The following DTD2 variants were observed in gnomAD, a reference collection of about 807,000 sequenced individuals.
DTD2 encodes the protein D-tyrosyl-tRNA deacylase 2 (putative).
DTD2 carries 12 observed loss-of-function variants against 15.5 expected under a neutral mutation model. The ratio of observed to expected loss-of-function variants is 0.77; its 90% confidence interval spans 0.50 to 1.25. The LOEUF is 1.25. Among genes scored for constraint, DTD2 ranks in the 50% most tolerant of loss-of-function variants. The probability of loss-of-function intolerance (pLI) is 0.00; values close to 1 mark genes in which losing one functional copy is unlikely to be tolerated. For synonymous variants in DTD2, 59 were observed against 77.3 expected (o/e 0.76, Z 1.24); for missense variants, 170 against 201.1 (o/e 0.85, Z 0.93).
In DTD2 at chr14:31,447,004, T is replaced by C. The variant is rs1322335916; in HGVS notation, c.*1125A>G. ...AAAATAGACCATTAACCCATTTATA[T>C]AGTATGTTTAATAAAAACAACTTTT... On this transcript the variant is annotated 3_prime_UTR_variant, in exon 3 of 3. Transcript: ENST00000310850. The C allele has an allele frequency of 6.6e-6, 1 of 152,226 alleles. No homozygotes were observed. The highest frequency in any genetic ancestry group is 1.5e-5 in the Non-Finnish European group (1 of 68,034). The allele number at this position is 152,226 out of a possible 1,614,324, so 9.4% of individuals were successfully genotyped here.
intron 2 of DTD2, among the ~76,000 whole-genome samples, chr14:31,451,115 C>A (rs2032026835): frequency 6.6e-6 from 1 of 150,692 alleles, no homozygotes; most frequent in South Asian, 2.1e-4. Context: ...GACAATTATT[C>A]TCTGTAATAG....
At chr14:31,456,117 G>A (rs1483525615) in intron 1 of DTD2, among the ~76,000 whole-genome samples, 3 of 152,094 alleles carry the variant, frequency 2.0e-5, no homozygotes, top group Non-Finnish European at 4.4e-5. Context: ...AGTAGGCGGG[G>A]TGCGGTGGCT....
At chr14:31,449,262 A>G (rs1006980574) in intron 2 of DTD2, among the ~76,000 whole-genome samples, 22 of 152,362 alleles carry the variant, frequency 1.4e-4, no homozygotes, top group Admixed American at 1.4e-3. Flanking sequence ...TTAGTTGCCA[A>G]GAGTTTTAAG....
chr14:31,456,613 A>G (rs2032097426), intron 1 of DTD2, among the ~76,000 whole-genome samples: 2 of 152,108 alleles, frequency 1.3e-5, no homozygotes, highest in Non-Finnish European at 2.9e-5. Context: ...CAGAGGCCTT[A>G]AAGAAAATTT....
chr14:31,457,037 C>T, intron 1 of DTD2: 1 of 542,662 alleles, frequency 1.8e-6, no homozygotes, highest in East Asian at 3.3e-5. Flanking sequence ...ACCTGTGGTC[C>T]CCCCAAGAAG....
chr14:31,454,779 A>G (rs1182907743), intron 1 of DTD2, among the ~76,000 whole-genome samples: 2 of 152,230 alleles, frequency 1.3e-5, no homozygotes, highest in Non-Finnish European at 2.9e-5. Flanking sequence ...GGTATAAAAC[A>G]TTTCAAATAT....
intron 2 of DTD2, among the ~76,000 whole-genome samples, chr14:31,451,216 C>T (rs541736541): frequency 1.8e-4 from 26 of 147,288 alleles, no homozygotes; most frequent in Non-Finnish European, 2.5e-4. Flanking sequence ...GGCGTGATCT[C>T]GGCTCACTGC....
intron 2 of DTD2, among the ~76,000 whole-genome samples, chr14:31,451,519 CTTA>C (rs1026727178): frequency 3.3e-5 from 5 of 152,064 alleles, no homozygotes; most frequent in Non-Finnish European, 7.4e-5. Context: ...TCAGAGGTTC[CTTA>C]TTATCTTCTG....
chr14:31,446,138 T>A lies in DTD2; in HGVS notation c.*1991A>T, dbSNP rs1178620117. On this transcript the variant is annotated 3_prime_UTR_variant, in exon 3 of 3. Coordinates refer to ENST00000310850, the MANE Select transcript of DTD2 (RefSeq NM_080664.3). ...GCTCATTACCAAGCCAGTTATTGAT[T>A]CTCTGGTTCCAAAATAGAACAGTAC... The A allele has an allele frequency of 2.6e-5, 4 of 152,176 alleles. No homozygotes were observed. Among genetic ancestry groups the A allele is most frequent in the Non-Finnish European group, 5.9e-5 (4 of 68,016 alleles). The allele number at this position is 152,176 out of a possible 1,614,324, so 9.4% of individuals were successfully genotyped here.
chr14:31,454,894 ACAAG>A (rs1363474425), intron 1 of DTD2, among the ~76,000 whole-genome samples: 1 of 152,268 alleles, frequency 6.6e-6, no homozygotes, highest in Non-Finnish European at 1.5e-5. Flanking sequence ...GAAACTAAGA[ACAAG>A]CAAAGAAAGT....
At chr14:31,448,996 C>T (rs543781261) in intron 2 of DTD2, among the ~76,000 whole-genome samples, 20 of 152,246 alleles carry the variant, frequency 1.3e-4, no homozygotes, top group Admixed American at 3.3e-4. Flanking sequence ...TGGGTTCAAG[C>T]GATTCTCCTG....
intron 1 of DTD2, among the ~76,000 whole-genome samples, chr14:31,455,637 A>T (rs1429205353): frequency 6.7e-6 from 1 of 150,008 alleles, no homozygotes; most frequent in Non-Finnish European, 1.5e-5. Context: ...GCTGGAGTGC[A>T]GTGGCGTGAT....
At chr14:31,456,824 T>C (rs909711113) in intron 1 of DTD2, among the ~76,000 whole-genome samples, 1 of 152,168 alleles carries the variant, frequency 6.6e-6, no homozygotes, top group South Asian at 2.1e-4. Flanking sequence ...TGAAATAGAA[T>C]TGTTTCTTAG....
At chr14:31,452,979 C>T (rs1351108716) in intron 2 of DTD2, 2 of 213,506 alleles carry the variant, frequency 9.4e-6, no homozygotes, top group East Asian at 9.7e-5. Flanking sequence ...ACTCTGTTGC[C>T]CAGGCTGGAG....
Position 31,448,428 on chromosome 14 carries a change from T to C in DTD2, c.208A>G (p.Ser70Gly), listed in dbSNP as rs371614838. Residue 70 changes from serine (S) to glycine (G), a missense_variant, in exon 3 of 3, where the codon AGT (serine) becomes GGT (glycine). Ser to Gly is a moderately conservative substitution (Grantham distance 56). Coordinates refer to ENST00000310850, the MANE Select transcript of DTD2 (RefSeq NM_080664.3). ...ACATGCTTGCCATTTTCTGTCTCAC[T>C]TAATTTCACATTTAACAGTGTATTA... Reference protein sequence around the residue: ...MVNTLLNVKLSETENGKHVSI... With the variant: ...MVNTLLNVKLGETENGKHVSI... 4 of 1,613,050 alleles carry C rather than the reference T, an allele frequency of 2.5e-6. No individual in the cohort carries two copies. The African/African-American group carries it at 5.3e-5, about 22-fold the overall frequency.
At chr14:31,454,444 G>A (rs2032073152) in intron 1 of DTD2, among the ~76,000 whole-genome samples, 1 of 152,188 alleles carries the variant, frequency 6.6e-6, no homozygotes, top group South Asian at 2.1e-4. Context: ...AAAGAAGTGA[G>A]TTTTAAAAAG....
intron 2 of DTD2, among the ~76,000 whole-genome samples, chr14:31,450,810 T>C (rs2032023258): frequency 6.6e-6 from 1 of 152,220 alleles, no homozygotes; most frequent in African/African-American, 2.4e-5. Flanking sequence ...TACAATCTTA[T>C]GCATGTATTT....
In DTD2 at chr14:31,457,438, C is replaced by A; in HGVS notation, c.-45G>T. ...GCCGGACAGTTACTAGGCCATGTGT[C>A]GCTGGCCCCTCCCTCGACGCGCTGG... On this transcript the variant is annotated 5_prime_UTR_variant, in exon 1 of 3. Transcript: ENST00000310850. 7.4e-7 allele frequency: 1 copy of A among 1,354,610 alleles called. No individual in the cohort carries two copies. The highest frequency in any genetic ancestry group is 1.6e-5 in the South Asian group (1 of 63,590). The allele number at this position is 1,354,610 out of a possible 1,614,324, so 83.9% of individuals were successfully genotyped here. A position where few individuals can be genotyped will look rare whatever the true frequency, so the allele number is the denominator to read the frequency against.
chr14:31,448,207 C>T lies in DTD2; in HGVS notation c.429G>A (p.Val143=). The T allele has an allele frequency of 1.9e-6, 3 of 1,614,158 alleles. No individual in the cohort carries two copies. Among genetic ancestry groups the T allele is most frequent in the Non-Finnish European group, 2.5e-6 (3 of 1,180,016 alleles). Reference sequence around the variant, plus strand: ...GCCTGTTCCCATAAGTGCCATGTTCCACTACAACCCTAGCTTCAGCACACT... The same window carrying T: ...GCCTGTTCCCATAAGTGCCATGTTCTACTACAACCCTAGCTTCAGCACACT... The part of the protein sequence containing the change: ...NSKCAEARVV[V]EHGTYGNRQV... The change falls in exon 3 of 3, where the codon GTG becomes GTA. Residue 143 remains valine, a synonymous_variant. Coordinates refer to ENST00000310850, the MANE Select transcript of DTD2 (RefSeq NM_080664.3).
Sources: gnomAD v4.1 joint callset for allele counts (sites outside exome capture counted in the v4.1 genomes callset) on GRCh38, gnomAD v4.1.1 for gene constraint, MANE v1.5 for transcripts, NCBI Gene and HGNC (gene_info 2026-07-23, HGNC 2026-07-21) for gene names.